CTNNA3: variants seen among roughly 807,000 people sequenced by gnomAD.
The protein encoded by CTNNA3 is catenin alpha-3.
CTNNA3 carries 76 observed loss-of-function variants against 95.7 expected under a neutral mutation model. The observed-to-expected ratio is 0.79, with a 90% confidence interval of 0.66 to 0.96. The LOEUF (loss-of-function observed/expected upper bound fraction) is 0.96, where lower values mean the gene tolerates loss of function less well. Among genes scored for constraint, CTNNA3 ranks in the 40% least tolerant of loss-of-function variants. The probability of loss-of-function intolerance (pLI) is 0.00; values close to 1 mark genes in which losing one functional copy is unlikely to be tolerated. For synonymous variants in CTNNA3, 431 were observed against 374.4 expected (o/e 1.15, Z -1.74); for missense variants, 1,191 against 1,089.8 (o/e 1.09, Z -1.31).
chr10:66,003,518 A>T (rs2078814522), intron 15 of CTNNA3, among the ~76,000 whole-genome samples: 1 of 152,166 alleles, frequency 6.6e-6, no homozygotes, highest in East Asian at 1.9e-4. Flanking sequence ...GAAGAATTTC[A>T]TGGAGGGGGA....
chr10:67,282,354 C>A (rs922031359), intron 5 of CTNNA3, among the ~76,000 whole-genome samples: 1 of 152,034 alleles, frequency 6.6e-6, no homozygotes, highest in African/African-American at 2.4e-5. Flanking sequence ...TGAATGTTTT[C>A]CTGTAGGTAT....
intron 10 of CTNNA3, among the ~76,000 whole-genome samples, chr10:66,598,155 CA>C (rs373299587): frequency 0.024 from 3,575 of 151,144 alleles, 84 homozygotes; most frequent in South Asian, 0.055. Context: ...AAATGAAGGA[CA>C]AAAAAAATAA....
intron 1 of CTNNA3, among the ~76,000 whole-genome samples, chr10:67,707,220 A>T (rs928023159): frequency 7.9e-5 from 12 of 152,190 alleles, no homozygotes; most frequent in African/African-American, 2.4e-4. Flanking sequence ...CCTGCTTAAA[A>T]TTATACAAAG....
rs138900543 is a variant in CTNNA3 at position 67,522,029 on chromosome 10, A to C, written c.460-68T>G. The C allele has an allele frequency of 6.0e-6, 9 of 1,512,392 alleles. No homozygotes were observed. In the East Asian group the frequency reaches 2.0e-4, roughly 34 times the overall value. The allele number at this position is 1,512,392 out of a possible 1,614,324, so 93.7% of individuals were successfully genotyped here. On this transcript the variant is annotated intron_variant, in intron 4 of 17. Coordinates refer to ENST00000433211, the MANE Select transcript of CTNNA3 (RefSeq NM_013266.4). Reference sequence around the variant, plus strand: ...TTTTTCTCAAATTCTCAACTTGCTAACACGAAGAGTCGATAATGAGCCTCA... The same window carrying C: ...TTTTTCTCAAATTCTCAACTTGCTACCACGAAGAGTCGATAATGAGCCTCA...
rs1414350946 is a variant in CTNNA3 at position 66,858,442 on chromosome 10, C to T, written c.1048-82918G>A. 3.3e-5 allele frequency among the ~76,000 whole-genome samples: 5 copies of T among 151,852 alleles called. No homozygotes were observed. The South Asian group carries it at 8.3e-4, about 25-fold the overall frequency. On this transcript the variant is annotated intron_variant, in intron 7 of 17. Coordinates refer to ENST00000433211, the MANE Select transcript of CTNNA3 (RefSeq NM_013266.4). Reference sequence around the variant, plus strand: ...AATGAATTAGAGAGGATTCTCCTCTCCTCAATATTTTGGAACAGTTTTAGT... The same window carrying T: ...AATGAATTAGAGAGGATTCTCCTCTTCTCAATATTTTGGAACAGTTTTAGT...
At chr10:67,037,368 T>TA (rs1252201779) in intron 7 of CTNNA3, among the ~76,000 whole-genome samples, 2,102 of 107,498 alleles carry the variant, frequency 0.02, 50 homozygotes, top group African/African-American at 0.065. Context: ...AATGGAAATC[T>TA]AAAAAAAAAA....
In CTNNA3 at chr10:66,044,998, T is replaced by G. The variant is rs1480471030; in HGVS notation, c.2159+24310A>C. On this transcript the variant is annotated intron_variant, in intron 15 of 17. Transcript: ENST00000433211. ...CTCAGGATTCAATAGTGGTGTGTGT[T>G]GGATTCCAAAGCCAACACTCAATGA... is the stretch of plus-strand genomic sequence containing the variant. Among the ~76,000 whole-genome samples the G allele has an allele frequency of 2.6e-5, 4 of 152,182 alleles. No homozygotes were observed. The East Asian group carries it at 7.7e-4, about 29-fold the overall frequency.
chr10:66,304,708 A>T (rs1204544303), intron 12 of CTNNA3, among the ~76,000 whole-genome samples: 1 of 152,178 alleles, frequency 6.6e-6, no homozygotes, highest in Non-Finnish European at 1.5e-5. Flanking sequence ...CCACTCACAT[A>T]TAAACCATAC....
intron 9 of CTNNA3, among the ~76,000 whole-genome samples, chr10:66,729,311 G>T (rs893797425): frequency 6.6e-6 from 1 of 152,216 alleles, no homozygotes; most frequent in Non-Finnish European, 1.5e-5. Context: ...AGATGCTGGC[G>T]AGGTTACGGA....
intron 5 of CTNNA3, among the ~76,000 whole-genome samples, chr10:67,245,761 G>T (rs967139267): frequency 1.1e-4 from 17 of 151,448 alleles, no homozygotes; most frequent in African/African-American, 4.1e-4. Flanking sequence ...AAGAGGCTGA[G>T]GCAGAATTTC....
intron 11 of CTNNA3, among the ~76,000 whole-genome samples, chr10:66,443,956 A>T (rs2093396539): frequency 6.6e-6 from 1 of 152,160 alleles, no homozygotes; most frequent in African/African-American, 2.4e-5. Context: ...TAACTAGAAT[A>T]ACCAATGCAG....
In CTNNA3 at chr10:66,007,839, C is replaced by T. The variant is rs533932848; in HGVS notation, c.2160-19042G>A. Among the ~76,000 whole-genome samples, 13 of 148,576 alleles carry T rather than the reference C, an allele frequency of 8.7e-5. No individual in the cohort carries two copies. In the South Asian group the frequency reaches 2.0e-3, roughly 22 times the overall value. On this transcript the variant is annotated intron_variant, in intron 15 of 17. Transcript: ENST00000433211. ...CCTCCCTTTCTTCCTTCCTTTCCTC[C>T]TCCCTCCCTCCCTTCCTTCCTACTT...
chr10:66,543,372 G>A (rs1192671528), intron 10 of CTNNA3, among the ~76,000 whole-genome samples: 2 of 152,074 alleles, frequency 1.3e-5, no homozygotes, highest in East Asian at 1.9e-4. Context: ...TTACAGGCGT[G>A]AGCTACTGCA....
intron 15 of CTNNA3, among the ~76,000 whole-genome samples, chr10:66,036,509 G>A (rs1019629209): frequency 6.6e-6 from 1 of 152,038 alleles, no homozygotes; most frequent in African/African-American, 2.4e-5. Context: ...CGAGTAGCTG[G>A]GATTACAGGC....
intron 9 of CTNNA3, among the ~76,000 whole-genome samples, chr10:66,735,028 T>A (rs1849087869): frequency 6.6e-6 from 1 of 151,760 alleles, no homozygotes; most frequent in Admixed American, 6.6e-5. Flanking sequence ...ATATCTTTTT[T>A]ATCTTTTATT....
At chr10:66,401,396 T>C (rs565851669) in intron 11 of CTNNA3, among the ~76,000 whole-genome samples, 13 of 151,888 alleles carry the variant, frequency 8.6e-5, no homozygotes, top group African/African-American at 2.9e-4. Flanking sequence ...GATGGTGGTG[T>C]GTCCCTGTAA....
At chr10:67,371,056 C>T (rs1299605501) in intron 5 of CTNNA3, among the ~76,000 whole-genome samples, 6 of 151,286 alleles carry the variant, frequency 4.0e-5, no homozygotes, top group Admixed American at 3.3e-4. Flanking sequence ...TTAGTAGAGA[C>T]GGGGTTTCAC....
intron 15 of CTNNA3, among the ~76,000 whole-genome samples, chr10:66,059,280 T>C (rs945224677): frequency 6.6e-6 from 1 of 152,124 alleles, no homozygotes; most frequent in African/African-American, 2.4e-5. Flanking sequence ...ATCATTCTCA[T>C]AAATACAGAA....
chr10:66,826,897 T>C (rs1396591967), intron 7 of CTNNA3, among the ~76,000 whole-genome samples: 2 of 152,224 alleles, frequency 1.3e-5, no homozygotes, highest in African/African-American at 4.8e-5. Flanking sequence ...CACTTTCCAA[T>C]TACTGTCCCA....
Sources: allele counts gnomAD v4.1 joint callset (sites outside exome capture counted in the v4.1 genomes callset), GRCh38; gene constraint gnomAD v4.1.1; transcripts MANE v1.5; gene names NCBI Gene and HGNC (gene_info 2026-07-23, HGNC 2026-07-21).